EPB41L4A: variants seen among roughly 807,000 people sequenced by gnomAD.
The protein encoded by EPB41L4A is erythrocyte membrane protein band 4.1 like 4A.
Under a neutral mutation model 108.6 loss-of-function variants are expected in EPB41L4A, and 100 were observed. That is an observed-to-expected ratio of 0.92 (90% confidence interval 0.78 to 1.09). EPB41L4A has a LOEUF of 1.09. EPB41L4A is among the 50% of genes least tolerant of loss of function. The pLI, the probability that EPB41L4A is intolerant of heterozygous loss-of-function variation, is 0.00. For synonymous variants in EPB41L4A, 319 were observed against 289.0 expected (o/e 1.10, Z -1.05); for missense variants, 1,030 against 842.7 (o/e 1.22, Z -2.75).
chr5:112,288,746 A>C (rs115224819), intron 2 of EPB41L4A, among the ~76,000 whole-genome samples: 1 of 152,140 alleles, frequency 6.6e-6, no homozygotes. Flanking sequence ...CTTAATTCAC[A>C]TATCTTCAGA....
intron 19 of EPB41L4A, among the ~76,000 whole-genome samples, chr5:112,170,722 G>C (rs918923393): frequency 6.6e-6 from 1 of 152,108 alleles, no homozygotes; most frequent in Non-Finnish European, 1.5e-5. Flanking sequence ...ATTTAGAGGC[G>C]AGACTAAATG....
chr5:112,195,529 G>T, intron 16 of EPB41L4A, 132 bp downstream of exon 16: 1 of 728,498 alleles, frequency 1.4e-6, no homozygotes, highest in Non-Finnish European at 2.3e-6. Context: ...GGAATCAGCT[G>T]AAGACAAACT....
In EPB41L4A at chr5:112,204,672, C is replaced by T. The variant is rs1456913945; in HGVS notation, c.1263-184G>A. ...AGAGGTAAGATCTGGCAAATCAAAT[C>T]ATAAAGGTCATTATTTTGCAGGAAT... On this transcript the variant is annotated intron_variant, in intron 14 of 22. Coordinates refer to ENST00000261486, the MANE Select transcript of EPB41L4A (RefSeq NM_022140.5). 6.6e-6 allele frequency: 3 copies of T among 455,724 alleles called. No individual in the cohort carries two copies. The Admixed American group carries it at 9.8e-5, about 15-fold the overall frequency. 28.2% of individuals were successfully genotyped at this position (455,724 alleles called of 1,614,324 possible). A position where few individuals can be genotyped will look rare whatever the true frequency, so the allele number is the denominator to read the frequency against.
chr5:112,200,895 A>G (rs1483843634), intron 15 of EPB41L4A, among the ~76,000 whole-genome samples: 1 of 152,200 alleles, frequency 6.6e-6, no homozygotes, highest in East Asian at 1.9e-4. Context: ...CCACCTCATG[A>G]TAAACAAAAT....
rs186980368 is a variant in EPB41L4A, at chr5:112,286,734, T to C, written c.205-6411A>G. Among the ~76,000 whole-genome samples, 26 of 152,220 alleles carry C rather than the reference T, an allele frequency of 1.7e-4. No homozygotes were observed. In the East Asian group the frequency reaches 3.3e-3, roughly 19 times the overall value. ...TGTTCTCTTTCCTGCATCATGAAGG[T>C]TTCCCTTTTGACAGAATCATTGTTG... On this transcript the variant is annotated intron_variant, in intron 2 of 22. Transcript: ENST00000261486.
At chr5:112,309,183 A>G (rs1754886034) in intron 1 of EPB41L4A, among the ~76,000 whole-genome samples, 1 of 152,188 alleles carries the variant, frequency 6.6e-6, no homozygotes, top group Non-Finnish European at 1.5e-5. Context: ...AAAAAAAGCC[A>G]TCATTTCCCT....
chr5:112,232,131 AG>A (rs1356964527), intron 12 of EPB41L4A, among the ~76,000 whole-genome samples: 4,909 of 141,292 alleles, frequency 0.035, 288 homozygotes, highest in East Asian at 0.2. Context: ...AAAAAAAAAG[AG>A]AGAGAGAGAG....
chr5:112,397,839 G>A (rs868825997), intron 1 of EPB41L4A, among the ~76,000 whole-genome samples: 2 of 152,064 alleles, frequency 1.3e-5, no homozygotes, highest in Admixed American at 6.6e-5. Flanking sequence ...TCAATCACAC[G>A]GCTAGTAAGT....
intron 15 of EPB41L4A, among the ~76,000 whole-genome samples, chr5:112,199,502 T>C (rs1438288920): frequency 1.3e-5 from 2 of 152,196 alleles, no homozygotes; most frequent in African/African-American, 4.8e-5. Flanking sequence ...ATCTATACTA[T>C]CCACCTAAAC....
At chr5:112,176,195 T>C (rs1760853159) in intron 18 of EPB41L4A, among the ~76,000 whole-genome samples, 1 of 152,208 alleles carries the variant, frequency 6.6e-6, no homozygotes, top group African/African-American at 2.4e-5. Flanking sequence ...ATCAGTGTTG[T>C]AGAGATGGAA....
At chr5:112,407,481 G>C (rs1193401270) in intron 1 of EPB41L4A, among the ~76,000 whole-genome samples, 1 of 152,142 alleles carries the variant, frequency 6.6e-6, no homozygotes, top group African/African-American at 2.4e-5. Context: ...CAGTCTTCCA[G>C]CTGTCTACAT....
chr5:112,204,510 C>A, intron 14 of EPB41L4A, 22 bp from the exon 15 acceptor site: 2 of 1,501,766 alleles, frequency 1.3e-6, no homozygotes, highest in African/African-American at 1.4e-5. Context: ...GAAAAATGGT[C>A]AAAAAGAGCC....
chr5:112,269,789 A>ATTTTTTCT (rs1752131508), intron 4 of EPB41L4A, among the ~76,000 whole-genome samples: 2 of 152,210 alleles, frequency 1.3e-5, no homozygotes, highest in Non-Finnish European at 2.9e-5. Context: ...AGTTTCCAGA[A>ATTTTTTCT]TACATTGTGG....
At chr5:112,225,075 T>C (rs1375432624) in intron 12 of EPB41L4A, among the ~76,000 whole-genome samples, 4 of 152,202 alleles carry the variant, frequency 2.6e-5, no homozygotes, top group Non-Finnish European at 5.9e-5. Context: ...CCCAGTTTCT[T>C]TACCCTCTCT....
At chr5:112,396,767 C>T (rs768676160) in intron 1 of EPB41L4A, among the ~76,000 whole-genome samples, 2 of 152,164 alleles carry the variant, frequency 1.3e-5, no homozygotes, top group Non-Finnish European at 2.9e-5. Flanking sequence ...GAGACACCAC[C>T]GTGCCTTGTA....
At chr5:112,338,531 A>G (rs1363798866) in intron 1 of EPB41L4A, among the ~76,000 whole-genome samples, 7 of 152,122 alleles carry the variant, frequency 4.6e-5, no homozygotes, top group Non-Finnish European at 5.9e-5. Context: ...CAGGTATCCT[A>G]TGATTTGTTT....
chr5:112,251,124 G>A (rs191619031), intron 9 of EPB41L4A, among the ~76,000 whole-genome samples: 3 of 152,270 alleles, frequency 2.0e-5, no homozygotes, highest in African/African-American at 7.2e-5. Context: ...CCACACTTAA[G>A]AATAGTTGGG....
chr5:112,324,720 TAAAA>T (rs60242363), intron 1 of EPB41L4A, among the ~76,000 whole-genome samples: 1 of 101,756 alleles, frequency 9.8e-6, no homozygotes, highest in Admixed American at 1.0e-4. Context: ...AGAGTCTGTC[TAAAA>T]AAAAAAAAAA....
intron 4 of EPB41L4A, 60 bp from the exon 5 acceptor site, chr5:112,266,390 C>T (rs563638589): frequency 1.2e-4 from 142 of 1,179,730 alleles, no homozygotes; most frequent in African/African-American, 9.3e-4. Flanking sequence ...CCTGAGGTTT[C>T]GGACCCTGAT....
Sources: allele counts gnomAD v4.1 joint callset (sites outside exome capture counted in the v4.1 genomes callset), GRCh38; gene constraint gnomAD v4.1.1; transcripts MANE v1.5; gene names NCBI Gene and HGNC (gene_info 2026-07-23, HGNC 2026-07-21).